Variants in HS3ST2 observed in about 807,000 individuals in gnomAD.
HS3ST2 encodes the protein heparan sulfate glucosamine 3-O-sulfotransferase 2.
HS3ST2 carries 17 observed loss-of-function variants against 26.3 expected under a neutral mutation model. The observed-to-expected ratio is 0.65, with a 90% CI of 0.44 to 0.97. The LOEUF (loss-of-function observed/expected upper bound fraction) is 0.97, where lower values mean the gene tolerates loss of function less well. HS3ST2 is among the 50% of genes least tolerant of loss of function. The pLI is 0.00. For synonymous variants in HS3ST2, 237 were observed against 219.2 expected (o/e 1.08, Z -0.72); for missense variants, 402 against 501.2 (o/e 0.80, Z 1.89).
chr16:22,849,152 T>G (rs1901486041), intron 1 of HS3ST2, among the ~76,000 whole-genome samples: 1 of 152,180 alleles, frequency 6.6e-6, no homozygotes, highest in African/African-American at 2.4e-5. Context: ...GTGCCCTAAA[T>G]AGCAGGTTTC....
chr16:22,852,090 T>A (rs1360646470), intron 1 of HS3ST2, among the ~76,000 whole-genome samples: 2 of 152,200 alleles, frequency 1.3e-5, no homozygotes, highest in East Asian at 3.8e-4. Context: ...CATTTGGCAA[T>A]GTCTAGAGAC....
At chr16:22,869,470 C>T (rs777839614) in intron 1 of HS3ST2, among the ~76,000 whole-genome samples, 2 of 152,158 alleles carry the variant, frequency 1.3e-5, no homozygotes, top group Non-Finnish European at 2.9e-5. Flanking sequence ...TAAAGACATT[C>T]CCAAGACTGG....
At chr16:22,891,418 T>C (rs1341581667) in intron 1 of HS3ST2, among the ~76,000 whole-genome samples, 1 of 152,080 alleles carries the variant, frequency 6.6e-6, no homozygotes, top group East Asian at 1.9e-4. Flanking sequence ...TGCCTGAGGC[T>C]GCACAGTAGT....
In HS3ST2 at chr16:22,814,512, C is replaced by A; in HGVS notation, c.-99C>A. On this transcript the variant is annotated 5_prime_UTR_variant, in exon 1 of 2. Coordinates refer to ENST00000261374, the MANE Select transcript of HS3ST2 (RefSeq NM_006043.2). ...CAACGCCCGACCCGCGTGGCCGTGG[C>A]AGCGCCACGCGAGCCCTCTAGGCGA... 1.5e-6 allele frequency: 2 copies of A among 1,348,422 alleles called. No homozygotes were observed. Among genetic ancestry groups the A allele is most frequent in the Non-Finnish European group, 1.9e-6 (2 of 1,042,916 alleles). 83.5% of individuals were successfully genotyped at this position (1,348,422 alleles called of 1,614,324 possible). A position where few individuals can be genotyped will look rare whatever the true frequency, so the allele number is the denominator to read the frequency against.
chr16:22,892,117 A>AG (rs1902138173), intron 1 of HS3ST2, among the ~76,000 whole-genome samples: 1 of 150,944 alleles, frequency 6.6e-6, no homozygotes, highest in South Asian at 2.1e-4. Flanking sequence ...TACTAAAAAA[A>AG]AAAAAAAAAA....
At chr16:22,856,586 C>T (rs1206191609) in intron 1 of HS3ST2, among the ~76,000 whole-genome samples, 1 of 152,212 alleles carries the variant, frequency 6.6e-6, no homozygotes, top group Non-Finnish European at 1.5e-5. Context: ...ACCCAACTCT[C>T]CCCTCCTTTA....
intron 1 of HS3ST2, among the ~76,000 whole-genome samples, chr16:22,883,703 G>T (rs528764535): frequency 6.2e-4 from 95 of 152,016 alleles, no homozygotes; most frequent in African/African-American, 2.2e-3. Flanking sequence ...TTCACTTTCT[G>T]GTTCTAAACT....
At chr16:22,820,360 T>C (rs1256335103) in intron 1 of HS3ST2, among the ~76,000 whole-genome samples, 1 of 152,214 alleles carries the variant, frequency 6.6e-6, no homozygotes, top group African/African-American at 2.4e-5. Flanking sequence ...AGAAGGGGAA[T>C]GAAGAACAGG....
intron 1 of HS3ST2, among the ~76,000 whole-genome samples, chr16:22,869,230 G>C (rs988952320): frequency 5.3e-5 from 8 of 152,056 alleles, no homozygotes; most frequent in Non-Finnish European, 1.0e-4. Flanking sequence ...ACAAATCTTT[G>C]AGCAAAAGGT....
chr16:22,880,510 A>G (rs574403673), intron 1 of HS3ST2, among the ~76,000 whole-genome samples: 2 of 152,348 alleles, frequency 1.3e-5, no homozygotes, highest in African/African-American at 4.8e-5. Context: ...TCTGTCACCC[A>G]GATATATACA....
In HS3ST2 at chr16:22,814,591, C is replaced by G; in HGVS notation, c.-20C>G. 5 of 1,507,288 alleles carry G rather than the reference C, an allele frequency of 3.3e-6. No individual in the cohort carries two copies. The highest frequency in any genetic ancestry group is 4.4e-6 in the Non-Finnish European group (5 of 1,131,460). The allele number at this position is 1,507,288 out of a possible 1,614,324, so 93.4% of individuals were successfully genotyped here. ...GTGCCCCCTCGGAAACCATGACCCC[C>G]GGCGCGGGCCCATGGAGCCATGGCC... is the stretch of plus-strand genomic sequence containing the variant. On this transcript the variant is annotated 5_prime_UTR_variant, in exon 1 of 2. Transcript: ENST00000261374.
At chr16:22,887,944 C>T (rs1902083494) in intron 1 of HS3ST2, among the ~76,000 whole-genome samples, 1 of 152,174 alleles carries the variant, frequency 6.6e-6, no homozygotes, top group African/African-American at 2.4e-5. Flanking sequence ...CTTCATAAGC[C>T]TGGAGCCAGC....
At chr16:22,829,479 C>CT (rs551989343) in intron 1 of HS3ST2, among the ~76,000 whole-genome samples, 3,021 of 151,752 alleles carry the variant, frequency 0.02, 111 homozygotes, top group African/African-American at 0.069. Context: ...CTAGTTATAG[C>CT]TTTTTTTTAA....
In HS3ST2 at chr16:22,914,998, C is replaced by T. The variant is rs1033255225; in HGVS notation, c.540C>T (p.Ser180=). 82 of 1,613,848 alleles carry T rather than the reference C, an allele frequency of 5.1e-5. No individual in the cohort carries two copies. The highest frequency in any genetic ancestry group is 6.7e-5 in the Non-Finnish European group (79 of 1,180,012). ...AGATCACGCTGGAGAAGACGCCCAGCTACTTTGTCACTCAAGAGGCTCCTC... is the reference window on the plus strand; with the variant it reads ...AGATCACGCTGGAGAAGACGCCCAGTTACTTTGTCACTCAAGAGGCTCCTC... ...ESQITLEKTP[S]YFVTQEAPRR... The change falls in exon 2 of 2, where the codon AGC becomes AGT. Residue 180 remains serine, a synonymous_variant. Coordinates refer to ENST00000261374, the MANE Select transcript of HS3ST2 (RefSeq NM_006043.2).
rs148088433 is a variant in HS3ST2 at position 22,870,499 on chromosome 16, A to G, written c.486-44445A>G. ...CTCCTCTGCTTCTCATCTCATTCAGAGTAAACGTTGAAGTCCTTATACAGC... is the reference window on the plus strand; with the variant it reads ...CTCCTCTGCTTCTCATCTCATTCAGGGTAAACGTTGAAGTCCTTATACAGC... On this transcript the variant is annotated intron_variant, in intron 1 of 1. Transcript: ENST00000261374. Among the ~76,000 whole-genome samples the G allele has an allele frequency of 6.6e-3, 1,000 of 152,232 alleles. 13 individuals are homozygous for G. Among genetic ancestry groups the G allele is most frequent in the African/African-American group, 0.022 (930 of 41,532 alleles).
intron 1 of HS3ST2, among the ~76,000 whole-genome samples, chr16:22,880,311 G>T (rs1042617169): frequency 4.6e-5 from 7 of 152,116 alleles, no homozygotes; most frequent in African/African-American, 1.2e-4. Flanking sequence ...CAGCTACATG[G>T]GAGGCTGAAA....
intron 1 of HS3ST2, among the ~76,000 whole-genome samples, chr16:22,839,964 TA>T (rs1275083531): frequency 6.6e-6 from 1 of 152,188 alleles, no homozygotes; most frequent in Non-Finnish European, 1.5e-5. Flanking sequence ...GAAAATAATA[TA>T]AACTCAAAGT....
intron 1 of HS3ST2, 27 bp downstream of exon 1, chr16:22,815,122 C>G (rs755615445): frequency 1.9e-6 from 3 of 1,605,038 alleles, no homozygotes; most frequent in Admixed American, 3.5e-5. Flanking sequence ...CCGCTCCGTG[C>G]GCCGGGTCTC....
At chr16:22,855,174 C>T (rs945160270) in intron 1 of HS3ST2, among the ~76,000 whole-genome samples, 1 of 152,064 alleles carries the variant, frequency 6.6e-6, no homozygotes, top group Non-Finnish European at 1.5e-5. Context: ...TTTCACAGGC[C>T]TCACATTTCT....
Sources: allele counts gnomAD v4.1 joint callset (sites outside exome capture counted in the v4.1 genomes callset), GRCh38; gene constraint gnomAD v4.1.1; transcripts MANE v1.5; gene names NCBI Gene and HGNC (gene_info 2026-07-23, HGNC 2026-07-21).